The following HDAC4 variants were observed in gnomAD, a reference collection of about 807,000 sequenced individuals.
HDAC4 encodes histone deacetylase 4, also known as histone deacetylase A.
Under a neutral mutation model 135.1 loss-of-function variants are expected in HDAC4, and 16 were observed. The ratio of observed to expected loss-of-function variants is 0.12; its 90% confidence interval spans 0.08 to 0.18. The LOEUF (loss-of-function observed/expected upper bound fraction) is 0.18. HDAC4 is among the 10% of genes least tolerant of loss of function. The pLI is 1.00. For synonymous variants in HDAC4, 685 were observed against 653.4 expected, an observed-to-expected ratio of 1.05 and a Z score of -0.74; for missense variants, 1,143 against 1,511.8, an observed-to-expected ratio of 0.76 and a Z score of 4.05.
rs1057145161 is a variant in HDAC4 at position 239,141,792 on chromosome 2, G to A, written c.866-1996C>T. 7.2e-5 allele frequency among the ~76,000 whole-genome samples: 11 copies of A among 152,022 alleles called. No individual in the cohort carries two copies. Among genetic ancestry groups the A allele is most frequent in the Admixed American group, 3.3e-4 (5 of 15,270 alleles). ...GGGAGTCCGGACAACTTTTTGGGGC[G>A]GTAAAAATTATATGTGTAACTTTCC... On this transcript the variant is annotated intron_variant, in intron 8 of 26. Coordinates refer to ENST00000543185, the MANE Select transcript of HDAC4 (RefSeq NM_001378414.1). The surrounding 1 kb of genome is among the most constrained non-coding windows in gnomAD (Gnocchi z 4.9).
At chr2:239,280,636 G>A (rs948357873) in intron 2 of HDAC4, among the ~76,000 whole-genome samples, 1 of 152,168 alleles carries the variant, frequency 6.6e-6, no homozygotes, top group African/African-American at 2.4e-5. Flanking sequence ...TCCCGCGTGA[G>A]GAAGACACCA....
intron 13 of HDAC4, among the ~76,000 whole-genome samples, chr2:239,113,209 C>G (rs2038830711): frequency 6.6e-6 from 1 of 152,200 alleles, no homozygotes; most frequent in African/African-American, 2.4e-5. Flanking sequence ...GAGATGGCAC[C>G]ACTGCACTCT....
At chr2:239,385,031 G>A (rs1413551497) in intron 1 of HDAC4, among the ~76,000 whole-genome samples, 1 of 152,164 alleles carries the variant, frequency 6.6e-6, no homozygotes, top group African/African-American at 2.4e-5. Context: ...CACAGGGACA[G>A]GGACAAGGCT....
intron 1 of HDAC4, among the ~76,000 whole-genome samples, chr2:239,364,900 GGAAAA>G (rs1264475440): frequency 6.6e-6 from 1 of 152,148 alleles, no homozygotes; most frequent in Non-Finnish European, 1.5e-5. Context: ...TCGCAGAAAC[GGAAAA>G]GAATTCTTTC....
At chr2:239,094,255 G>C (rs922898509) in intron 17 of HDAC4, 1 of 985,436 alleles carries the variant, frequency 1.0e-6, no homozygotes, top group Non-Finnish European at 1.2e-6. Context: ...CCCCTGCCCA[G>C]GCTGCATCAA....
At chr2:239,250,735 C>T (rs568061287) in intron 2 of HDAC4, among the ~76,000 whole-genome samples, 38 of 152,332 alleles carry the variant, frequency 2.5e-4, no homozygotes, top group African/African-American at 8.4e-4. Context: ...ACAGAAAGGA[C>T]GGTTTTCAGT....
chr2:239,120,050 A>C (rs2039501864), intron 12 of HDAC4, among the ~76,000 whole-genome samples: 1 of 151,978 alleles, frequency 6.6e-6, no homozygotes, highest in African/African-American at 2.4e-5. Flanking sequence ...CAAGTGCCAG[A>C]GAAGGGCCAC....
rs370863532 is a variant in HDAC4 at position 239,337,020 on chromosome 2, T to C, written c.22+15658A>G. On this transcript the variant is annotated intron_variant, in intron 2 of 26. Transcript: ENST00000543185. ...GCAAGAGTAGACTGTAGGAAGGGTG[T>C]CTACTGGAATTTGTCTGATGTTTTT... Among the ~76,000 whole-genome samples the C allele has an allele frequency of 3.9e-5, 6 of 152,244 alleles. No homozygotes were observed. The South Asian group carries it at 1.0e-3, about 26-fold the overall frequency.
Position 239,095,837 on chromosome 2 carries a change from G to GCGTC in HDAC4, c.2234-782_2234-781insGACG, listed in dbSNP as rs1575005424. On this transcript the variant is annotated intron_variant, in intron 16 of 26. Coordinates refer to ENST00000543185, the MANE Select transcript of HDAC4 (RefSeq NM_001378414.1). ...GACAAGAGACCCCCACTAACCAGGG[G>GCGTC]CGGGACCTACCATTCCTAGCGGCTG... Among the ~76,000 whole-genome samples the GCGTC allele has an allele frequency of 1.3e-5, 2 of 152,180 alleles. 1 individual carries two copies. The highest frequency in any genetic ancestry group is 3.9e-4 in the East Asian group (2 of 5,192).
At chr2:239,158,955 C>T (rs113411532) in intron 6 of HDAC4, among the ~76,000 whole-genome samples, 5,073 of 152,072 alleles carry the variant, frequency 0.033, 272 homozygotes, top group African/African-American at 0.12. Context: ...ACACTCACAT[C>T]CGCACATCAC....
chr2:239,053,254 TGGCAGCCCCGGGTCC>T lies in HDAC4; in HGVS notation c.3231-133_3231-119del, dbSNP rs946541962. 49 of 1,414,670 alleles carry T rather than the reference TGGCAGCCCCGGGTCC, an allele frequency of 3.5e-5. No individual in the cohort carries two copies. In the African/African-American group the frequency reaches 6.7e-4, roughly 19 times the overall value. 87.6% of individuals were successfully genotyped at this position (1,414,670 alleles called of 1,614,324 possible). A position where few individuals can be genotyped will look rare whatever the true frequency, so the allele number is the denominator to read the frequency against. On this transcript the variant is annotated intron_variant, in intron 26 of 26. Coordinates refer to ENST00000543185, the MANE Select transcript of HDAC4 (RefSeq NM_001378414.1). ...CCCACCCGCCAGCCTAGCCCTGGCC[TGGCAGCCCCGGGTCC>T]ATCTGTTCAGGATCTAATGCTCCTC... is the stretch of plus-strand genomic sequence containing the variant.
chr2:239,089,945 T>TC (rs1471920399), intron 18 of HDAC4, 64 bp downstream of exon 18: 2 of 1,243,068 alleles, frequency 1.6e-6, no homozygotes, highest in Non-Finnish European at 2.4e-6. Context: ...GGGCGGCCCC[T>TC]CCCCACACTG....
intron 1 of HDAC4, among the ~76,000 whole-genome samples, chr2:239,363,084 C>T (rs1300253225): frequency 6.6e-6 from 1 of 152,002 alleles, no homozygotes; most frequent in African/African-American, 2.4e-5. Context: ...AGCAAATATC[C>T]AGTACTAAAT....
chr2:239,301,914 G>A (rs776458800), intron 2 of HDAC4, among the ~76,000 whole-genome samples: 9 of 152,072 alleles, frequency 5.9e-5, no homozygotes, highest in Non-Finnish European at 1.0e-4. Flanking sequence ...CCTCACTACT[G>A]CCAAGGAGAT....
At chr2:239,236,525 A>T in intron 3 of HDAC4, 68 bp downstream of exon 3, 1 of 1,263,680 alleles carries the variant, frequency 7.9e-7, no homozygotes, top group Non-Finnish European at 1.1e-6. Context: ...CCAATAAGGC[A>T]GAGCGTCTGA....
rs533738232 is a variant in HDAC4 at position 239,383,779 on chromosome 2, G to T, written c.-220+17199C>A. 1.3e-4 allele frequency among the ~76,000 whole-genome samples: 20 copies of T among 152,354 alleles called. No individual in the cohort carries two copies. The East Asian group carries it at 3.7e-3, about 28-fold the overall frequency. On this transcript the variant is annotated intron_variant, in intron 1 of 26. Coordinates refer to ENST00000543185, the MANE Select transcript of HDAC4 (RefSeq NM_001378414.1). ...CCTCCCTCAACGATGGCCGGGGCAG[G>T]AATGGACAACAGAGACTGGAAAGTG...
At chr2:239,172,222 A>C (rs1172231781) in intron 5 of HDAC4, among the ~76,000 whole-genome samples, 1 of 151,464 alleles carries the variant, frequency 6.6e-6, no homozygotes, top group East Asian at 1.9e-4. Context: ...TAGATTAAAG[A>C]CAGTTGTTGA....
chr2:239,098,377 C>T (rs534925523), intron 16 of HDAC4, among the ~76,000 whole-genome samples: 5 of 152,240 alleles, frequency 3.3e-5, no homozygotes, highest in East Asian at 1.9e-4. Context: ...AGGGAAGGCT[C>T]GGCTCCAGCC....
At chr2:239,161,718 G>A (rs1042003507) in intron 6 of HDAC4, 6 of 346,550 alleles carry the variant, frequency 1.7e-5, no homozygotes, top group Admixed American at 4.2e-5. Context: ...GCCAGGGCAC[G>A]CCGCCCTTGT....
Sources: gnomAD v4.1 joint callset for allele counts (sites outside exome capture counted in the v4.1 genomes callset) on GRCh38, gnomAD v4.1.1 for gene constraint, Gnocchi (gnomAD v3.1) non-coding constraint, MANE v1.5 for transcripts, NCBI Gene and HGNC (gene_info 2026-07-23, HGNC 2026-07-21) for gene names.